ANK3: variants seen among roughly 807,000 people sequenced by gnomAD.
ANK3 encodes the protein ankyrin-3.
Under a neutral mutation model 370.9 loss-of-function variants are expected in ANK3, and 57 were observed. The ratio of observed to expected loss-of-function variants is 0.15; its 90% confidence interval spans 0.12 to 0.19. The LOEUF is 0.19. ANK3 is among the 10% of genes least tolerant of loss of function. The pLI, the probability that ANK3 is intolerant of heterozygous loss-of-function variation, is 1.00. For missense variants in ANK3, 4,439 were observed against 5,302.1 expected, an observed-to-expected ratio of 0.84 and a Z score of 5.06; for synonymous variants, 1,929 against 1,946.3, an observed-to-expected ratio of 0.99 and a Z score of 0.23.
intron 1 of ANK3, among the ~76,000 whole-genome samples, chr10:60,337,067 G>A (rs1344441106): frequency 6.6e-6 from 1 of 151,938 alleles, no homozygotes; most frequent in Non-Finnish European, 1.5e-5. Flanking sequence ...AATTTCTGTT[G>A]CCAAGACCAA....
At chr10:60,197,116 C>G (rs1021995017) in intron 14 of ANK3, among the ~76,000 whole-genome samples, 6 of 152,302 alleles carry the variant, frequency 3.9e-5, no homozygotes, top group Admixed American at 2.6e-4. Flanking sequence ...CTTCTTCTTT[C>G]CCCGTTTCTC....
At chr10:60,096,905 T>C (rs909420120) in intron 28 of ANK3, among the ~76,000 whole-genome samples, 1 of 152,214 alleles carries the variant, frequency 6.6e-6, no homozygotes, top group Non-Finnish European at 1.5e-5. Context: ...TAAGAGCTTC[T>C]TACCTTTCAG....
chr10:60,265,746 T>C (rs766756132), intron 5 of ANK3, among the ~76,000 whole-genome samples: 1 of 152,154 alleles, frequency 6.6e-6, no homozygotes, highest in Non-Finnish European at 1.5e-5. Flanking sequence ...CTTGCTAGCA[T>C]ATGGAGAAAG....
chr10:60,620,545 A>G (rs757772818), intron 1 of ANK3, among the ~76,000 whole-genome samples: 1 of 152,236 alleles, frequency 6.6e-6, no homozygotes. Context: ...ATCTGAACCC[A>G]GGTTGAGGGA....
chr10:60,380,348 G>A (rs780652182), intron 1 of ANK3, among the ~76,000 whole-genome samples: 4 of 152,094 alleles, frequency 2.6e-5, no homozygotes, highest in Non-Finnish European at 4.4e-5. Flanking sequence ...GTGGAGCTCA[G>A]TATTCTGTAA....
chr10:60,526,627 AT>A, intron 2 of ANK3, among the ~76,000 whole-genome samples: 1 of 152,280 alleles, frequency 6.6e-6, no homozygotes, highest in East Asian at 1.9e-4. Context: ...GGTTGTTAGG[AT>A]AGAGATAATC....
At chr10:60,146,981 C>T (rs1187085361) in intron 23 of ANK3, among the ~76,000 whole-genome samples, 3 of 152,160 alleles carry the variant, frequency 2.0e-5, no homozygotes, top group African/African-American at 7.2e-5. Flanking sequence ...CTAATTCTGG[C>T]CCAGAGTTAC....
chr10:60,264,947 A>G (rs2097856629), intron 5 of ANK3, among the ~76,000 whole-genome samples: 1 of 152,050 alleles, frequency 6.6e-6, no homozygotes, highest in African/African-American at 2.4e-5. Context: ...ATGACTCTAT[A>G]TATTTATTCT....
chr10:60,127,938 C>T (rs1285946939), intron 25 of ANK3, among the ~76,000 whole-genome samples: 2 of 152,102 alleles, frequency 1.3e-5, no homozygotes, highest in Non-Finnish European at 2.9e-5. Context: ...ACCTCGTGAT[C>T]TGCCCACCTT....
intron 1 of ANK3, among the ~76,000 whole-genome samples, chr10:60,663,999 C>A (rs1188016947): frequency 6.6e-6 from 1 of 152,200 alleles, no homozygotes; most frequent in Non-Finnish European, 1.5e-5. Flanking sequence ...CCTCTTATTG[C>A]ATCCTGCCTG....
chr10:60,052,997 G>A (rs1267685947), intron 42 of ANK3, among the ~76,000 whole-genome samples: 3 of 152,124 alleles, frequency 2.0e-5, no homozygotes, highest in Non-Finnish European at 4.4e-5. Context: ...TGACTTTACA[G>A]GAAATTTCAC....
At chr10:60,163,892 C>T (rs1188214270) in intron 23 of ANK3, among the ~76,000 whole-genome samples, 10 of 152,058 alleles carry the variant, frequency 6.6e-5, no homozygotes, top group Non-Finnish European at 1.5e-5. Context: ...TCTGGGGATA[C>T]CAATGTGATG....
chr10:60,707,053 T>A (rs1444034231), intron 1 of ANK3, among the ~76,000 whole-genome samples: 13 of 152,306 alleles, frequency 8.5e-5, no homozygotes. Context: ...TCCTTCACTC[T>A]AAATTCTAGG....
chr10:60,290,181 A>C (rs888702106), intron 1 of ANK3, among the ~76,000 whole-genome samples: 1 of 152,192 alleles, frequency 6.6e-6, no homozygotes, highest in Non-Finnish European at 1.5e-5. Context: ...TTCATACTAT[A>C]ATCTGCCGTC....
At chr10:60,531,475 C>T (rs1482556610) in intron 2 of ANK3, among the ~76,000 whole-genome samples, 1 of 151,868 alleles carries the variant, frequency 6.6e-6, no homozygotes, top group African/African-American at 2.4e-5. Context: ...TGGCTGTGGG[C>T]CAGAAGAGAG....
chr10:60,241,857 C>T (rs1475626675), intron 7 of ANK3, among the ~76,000 whole-genome samples: 2 of 152,058 alleles, frequency 1.3e-5, no homozygotes, highest in South Asian at 2.1e-4. Flanking sequence ...CAAAGGGAAT[C>T]GGCTATACAT....
intron 39 of ANK3, among the ~76,000 whole-genome samples, chr10:60,063,842 A>G (rs1359399486): frequency 6.6e-6 from 1 of 152,196 alleles, no homozygotes; most frequent in Non-Finnish European, 1.5e-5. Context: ...GTTTCTGATG[A>G]CTGTGTCCCA....
chr10:60,636,625 A>G (rs944402960), intron 1 of ANK3, among the ~76,000 whole-genome samples: 4 of 152,216 alleles, frequency 2.6e-5, no homozygotes, highest in African/African-American at 7.2e-5. Flanking sequence ...CAGCTCAAGA[A>G]AGACTGCTTC....
intron 1 of ANK3, among the ~76,000 whole-genome samples, chr10:60,674,123 A>C (rs1271521440): frequency 1.3e-5 from 2 of 152,206 alleles, no homozygotes; most frequent in African/African-American, 4.8e-5. Context: ...TTAAAAAAAA[A>C]GAAAAAGTTA....
Sources: allele counts gnomAD v4.1 joint callset (sites outside exome capture counted in the v4.1 genomes callset), GRCh38; gene constraint gnomAD v4.1.1; transcripts MANE v1.5; gene names NCBI Gene and HGNC (gene_info 2026-07-23, HGNC 2026-07-21).